The following GABRG3 variants were observed in gnomAD, a reference collection of about 807,000 sequenced individuals.
GABRG3 encodes the protein gamma-aminobutyric acid type A receptor subunit gamma3.
A neutral mutation model predicts 48.8 loss-of-function variants in GABRG3; 25 were observed. The ratio of observed to expected loss-of-function variants is 0.51; its 90% CI spans 0.37 to 0.72. The LOEUF (loss-of-function observed/expected upper bound fraction) is 0.72, where lower values mean the gene tolerates loss of function less well. Ranked by LOEUF, GABRG3 falls within the 30% of genes least tolerant of loss-of-function variation. The pLI is 0.00. For missense variants in GABRG3, 394 were observed against 577.9 expected, an observed-to-expected ratio of 0.68 and a Z score of 3.26; for synonymous variants, 227 against 217.6, an observed-to-expected ratio of 1.04 and a Z score of -0.38.
chr15:27,461,648 CTGATTGGTCCATTTTACAGAGAG>C (rs1485680321), intron 5 of GABRG3, among the ~76,000 whole-genome samples: 4 of 152,298 alleles, frequency 2.6e-5, no homozygotes, highest in Middle Eastern at 3.4e-3. Context: ...TTACAGAGAG[CTGATTGGTCCATTTTACAGAGAG>C]TGATTGGTCC....
chr15:27,517,276 C>G (rs1891044415), intron 6 of GABRG3, among the ~76,000 whole-genome samples: 3 of 152,138 alleles, frequency 2.0e-5, no homozygotes, highest in African/African-American at 7.2e-5. Flanking sequence ...CCTCCTCCGT[C>G]ATTGCCAGTA....
intron 3 of GABRG3, among the ~76,000 whole-genome samples, chr15:27,308,282 TAC>T (rs1892792238): frequency 7.4e-6 from 1 of 134,728 alleles, no homozygotes; most frequent in Non-Finnish European, 1.6e-5. Flanking sequence ...AATATAAACA[TAC>T]GTTTATATAT....
intron 5 of GABRG3, chr15:27,366,118 T>G (rs1055643537): frequency 6.6e-6 from 1 of 152,168 alleles, no homozygotes; most frequent in African/African-American, 2.4e-5. Context: ...GAAGCTTCTT[T>G]CAGGTTTAGG....
At position 27,538,069 on chromosome 15, in the gene GABRG3, G is replaced by C. The variant is rs560575895; in HGVS notation, c.*5188G>C. 1 of 152,276 alleles carries C rather than the reference G, an allele frequency of 6.6e-6. No homozygotes were observed. The highest frequency in any genetic ancestry group is 2.4e-5 in the African/African-American group (1 of 41,564). 9.4% of individuals were successfully genotyped at this position (152,276 alleles called of 1,614,324 possible). ...TTGGCCAGGCTGGTCTCGAACTCCT[G>C]ACCTTCAGGTGATCCACCCGCCTTG... is the stretch of plus-strand genomic sequence containing the variant. On this transcript the variant is annotated 3_prime_UTR_variant, in exon 10 of 10. Transcript: ENST00000615808.
chr15:27,435,561 C>T (rs1265318458), intron 5 of GABRG3, among the ~76,000 whole-genome samples: 1 of 152,100 alleles, frequency 6.6e-6, no homozygotes, highest in East Asian at 1.9e-4. Flanking sequence ...TGTCTCTGAC[C>T]ACCAGAATAT....
chr15:27,390,589 T>C lies in GABRG3; in HGVS notation c.574+61701T>C, dbSNP rs573600929. Among the ~76,000 whole-genome samples the C allele has an allele frequency of 5.4e-3, 820 of 152,308 alleles. 11 individuals are homozygous for C. The highest frequency in any genetic ancestry group is 0.019 in the African/African-American group (779 of 41,570). On this transcript the variant is annotated intron_variant, in intron 5 of 9. Coordinates refer to ENST00000615808, the MANE Select transcript of GABRG3 (RefSeq NM_033223.5). The stretch of plus-strand genomic sequence containing the variant: ...AGCCCAGGGAGCACTGGGGTGCACA[T>C]TGTCTGCCCTCTTGACTCTCAGCAC...
chr15:27,008,645 T>A (rs1044374459), intron 2 of GABRG3, among the ~76,000 whole-genome samples: 9 of 152,034 alleles, frequency 5.9e-5, no homozygotes, highest in South Asian at 2.1e-4. Flanking sequence ...CTTTTTTTTT[T>A]ATAACATTCT....
rs1191793731 is a variant in GABRG3 at position 27,422,668 on chromosome 15, G to C, written c.575-57982G>C. ...TTTTCTAGTGTTACTTTCCCCCACT[G>C]GGTTTCTTTGTCATACTGTTTGTTT... is the stretch of plus-strand genomic sequence containing the variant. On this transcript the variant is annotated intron_variant, in intron 5 of 9. Coordinates refer to ENST00000615808, the MANE Select transcript of GABRG3 (RefSeq NM_033223.5). Among the ~76,000 whole-genome samples the C allele has an allele frequency of 2.6e-5, 4 of 152,314 alleles. No homozygotes were observed. The South Asian group carries it at 8.3e-4, about 32-fold the overall frequency.
intron 6 of GABRG3, among the ~76,000 whole-genome samples, chr15:27,508,920 C>T (rs144505794): frequency 1.6e-4 from 24 of 152,178 alleles, no homozygotes; most frequent in East Asian, 3.9e-4. Context: ...GGGGTTTCAC[C>T]GTGTTAGCCG....
At chr15:27,467,928 A>G (rs143024674) in intron 5 of GABRG3, among the ~76,000 whole-genome samples, 42 of 152,322 alleles carry the variant, frequency 2.8e-4, no homozygotes, top group African/African-American at 9.6e-4. Context: ...ATTGGGCACC[A>G]CACTGAGTAG....
intron 3 of GABRG3, among the ~76,000 whole-genome samples, chr15:27,178,306 T>C (rs1887812052): frequency 6.6e-6 from 1 of 152,222 alleles, no homozygotes; most frequent in Non-Finnish European, 1.5e-5. Flanking sequence ...AGTTGTGGGA[T>C]GCTCCTTAAC....
At chr15:27,267,523 T>A (rs1279968398) in intron 3 of GABRG3, among the ~76,000 whole-genome samples, 2 of 152,078 alleles carry the variant, frequency 1.3e-5, no homozygotes. Flanking sequence ...CACTGCAGTC[T>A]CAACTTCCCA....
intron 3 of GABRG3, among the ~76,000 whole-genome samples, chr15:27,305,172 G>A (rs1240905708): frequency 6.6e-6 from 1 of 151,628 alleles, no homozygotes; most frequent in Non-Finnish European, 1.5e-5. Context: ...TTGAAGAGAC[G>A]ATTTTTCTCC....
At chr15:27,005,621 A>G (rs1895569722) in intron 2 of GABRG3, among the ~76,000 whole-genome samples, 1 of 151,944 alleles carries the variant, frequency 6.6e-6, no homozygotes, top group South Asian at 2.1e-4. Flanking sequence ...ACAGAATTTC[A>G]CTCTTTTAAT....
chr15:27,207,776 C>T (rs1888905472), intron 3 of GABRG3, among the ~76,000 whole-genome samples: 1 of 152,176 alleles, frequency 6.6e-6, no homozygotes, highest in African/African-American at 2.4e-5. Context: ...TCATGAGGGG[C>T]CCCTTACATC....
In GABRG3 at chr15:27,457,469, T is replaced by G. The variant is rs571211014; in HGVS notation, c.575-23181T>G. Among the ~76,000 whole-genome samples, 1 of 152,332 alleles carries G rather than the reference T, an allele frequency of 6.6e-6. No homozygotes were observed. Among genetic ancestry groups the G allele is most frequent in the African/African-American group, 2.4e-5 (1 of 41,590 alleles). ...CTGACAATCTTCTTGGGCACATTTC[T>G]TTCTTGAGATAAACAATCTTTTAAC... On this transcript the variant is annotated intron_variant, in intron 5 of 9. Transcript: ENST00000615808. This position sits in a 1 kb window ranked among gnomAD's most constrained non-coding sequence, Gnocchi z 4.4.
chr15:26,973,671 G>A (rs1055514523), intron 1 of GABRG3, among the ~76,000 whole-genome samples: 8 of 152,162 alleles, frequency 5.3e-5, no homozygotes, highest in African/African-American at 1.2e-4. Flanking sequence ...ATCATAAAAC[G>A]CACTGATTCC....
At chr15:27,225,891 G>T (rs1020707701) in intron 3 of GABRG3, among the ~76,000 whole-genome samples, 6 of 152,170 alleles carry the variant, frequency 3.9e-5, no homozygotes, top group Admixed American at 2.6e-4. Context: ...GCTTCCAGGG[G>T]AGGAGGAGGA....
At chr15:27,308,711 T>C (rs567694367) in intron 3 of GABRG3, among the ~76,000 whole-genome samples, 1 of 149,952 alleles carries the variant, frequency 6.7e-6, no homozygotes, top group South Asian at 2.2e-4. Flanking sequence ...AACATACGTT[T>C]ATATGTAAAC....
Sources: allele counts gnomAD v4.1 joint callset (sites outside exome capture counted in the v4.1 genomes callset), GRCh38; gene constraint gnomAD v4.1.1; non-coding constraint Gnocchi (gnomAD v3.1); transcripts MANE v1.5; gene names NCBI Gene and HGNC (gene_info 2026-07-23, HGNC 2026-07-21).